The following LTB variants were observed in gnomAD, a reference collection of about 807,000 sequenced individuals.
LTB encodes the protein lymphotoxin-beta.
LTB carries 17 observed loss-of-function variants against 14.7 expected under a neutral mutation model. The ratio of observed to expected loss-of-function variants is 1.16; its 90% CI spans 0.79 to 1.73. The LOEUF is 1.73. Ranked by LOEUF, LTB falls within the 40% of genes most tolerant of loss-of-function variation. The pLI, the probability that LTB is intolerant of heterozygous loss-of-function variation, is 0.00. For missense variants in LTB, 288 were observed against 324.3 expected, an observed-to-expected ratio of 0.89 and a Z score of 0.86; for synonymous variants, 163 against 157.3, an observed-to-expected ratio of 1.04 and a Z score of -0.27.
chr6:31,582,164 G>T, intron 1 of LTB, 92 bp downstream of exon 1: 1 of 1,488,638 alleles, frequency 6.7e-7, no homozygotes, highest in Non-Finnish European at 9.3e-7. Context: ...AGCCAGCTGA[G>T]CCAGAGGGGG....
chr6:31,582,075 T>A, intron 1 of LTB, 181 bp downstream of exon 1: 2 of 814,468 alleles, frequency 2.5e-6, no homozygotes, highest in Non-Finnish European at 3.9e-6. Context: ...GGGGCTTATG[T>A]CGGGACACAA....
Position 31,581,802 on chromosome 6 carries a change from G to A in LTB, c.208+12C>T, listed in dbSNP as rs373114079. On this transcript the variant is annotated intron_variant, in intron 2 of 3. Transcript: ENST00000429299. ...GGTCTGAAGCGGGGAAGGAGAGACA[G>A]TCTGCTCTTACCCAGTCCTTGCTGG... The A allele has an allele frequency of 1.2e-6, 2 of 1,612,212 alleles. No homozygotes were observed. Among genetic ancestry groups the A allele is most frequent in the South Asian group, 1.1e-5 (1 of 90,972 alleles).
intron 2 of LTB, 68 bp from the exon 3 acceptor site, chr6:31,581,698 C>G (rs550114281): frequency 1.2e-4 from 192 of 1,596,508 alleles, no homozygotes; most frequent in Non-Finnish European, 1.5e-4. Context: ...CTTGAGAGAA[C>G]AGGGCGCAGG....
chr6:31,582,005 A>G (rs181913168), intron 1 of LTB, 146 bp from the exon 2 acceptor site: 2 of 874,592 alleles, frequency 2.3e-6, no homozygotes, highest in African/African-American at 1.7e-5. Flanking sequence ...GAGAACAAGC[A>G]AGGCATAGGT....
rs4647188 is a variant in LTB at position 31,581,508 on chromosome 6, C to A, written c.280+51G>T. 3.0e-5 allele frequency: 46 copies of A among 1,554,582 alleles called. No individual in the cohort carries two copies. The African/African-American group carries it at 6.1e-4, about 21-fold the overall frequency. ...GCCGAAGGACTCTGGGCGAGCAGAACTGGAACCTTCGGATTATTTACACTC... is the reference window on the plus strand; with the variant it reads ...GCCGAAGGACTCTGGGCGAGCAGAAATGGAACCTTCGGATTATTTACACTC... On this transcript the variant is annotated intron_variant, in intron 3 of 3. Transcript: ENST00000429299.
chr6:31,582,158 A>T (rs1771590488), intron 1 of LTB, 98 bp downstream of exon 1: 2 of 1,427,884 alleles, frequency 1.4e-6, no homozygotes, highest in East Asian at 2.3e-5. Context: ...CAGCCGAGCC[A>T]GCTGAGCCAG....
intron 2 of LTB, 50 bp downstream of exon 2, chr6:31,581,764 G>A (rs538180237): frequency 1.2e-6 from 2 of 1,608,290 alleles, no homozygotes; most frequent in Non-Finnish European, 1.7e-6. Context: ...GCAGGGAGCT[G>A]GGAGCCCCTG....
At chr6:31,582,074 G>C (rs2150395682) in intron 1 of LTB, 182 bp downstream of exon 1, 1 of 811,476 alleles carries the variant, frequency 1.2e-6, no homozygotes, top group Admixed American at 2.6e-5. Flanking sequence ...AGGGGCTTAT[G>C]TCGGGACACA....
rs1166592415 is a variant in LTB at position 31,581,065 on chromosome 6, G to C, written c.379C>G (p.Leu127Val). ...AGGTAATAGAGGCCGTCCTGCGGGA[G>C]CGCCAGCCCCTCGGCGTCCGAGAAC... ...TQFSDAEGLA[L>V]PQDGLYYLYC... The change falls in exon 4 of 4, where the codon CTC (leucine) becomes GTC (valine). Residue 127 changes from leucine to valine, a missense_variant. This residue lies in a region of LTB where 284 missense variants were observed against 299.2 expected (regional missense o/e 0.95). Transcript: ENST00000429299. The C allele has an allele frequency of 6.2e-7, 1 of 1,610,522 alleles. No homozygotes were observed. The highest frequency in any genetic ancestry group is 2.2e-5 in the East Asian group (1 of 44,816).
intron 1 of LTB, 36 bp downstream of exon 1, chr6:31,582,220 T>A (rs539650569): frequency 6.2e-7 from 1 of 1,609,484 alleles, no homozygotes; most frequent in Non-Finnish European, 8.5e-7. Flanking sequence ...ATCCGCAAGA[T>A]ACAACTCTCC....
intron 1 of LTB, 96 bp from the exon 2 acceptor site, chr6:31,581,955 T>C (rs541371875): frequency 1.6e-6 from 2 of 1,270,262 alleles, no homozygotes; most frequent in East Asian, 2.3e-5. Context: ...CTGGGGTTTC[T>C]CCTACCAGCA....
rs1472755322 is a variant in LTB, at chr6:31,582,085, A to G, written c.162+171T>C. ...CACAAGGGGCTTATGTCGGGACACA[A>G]GCACAACATCACAGGAACATGGAAA... On this transcript the variant is annotated intron_variant, in intron 1 of 3. Coordinates refer to ENST00000429299, the MANE Select transcript of LTB (RefSeq NM_002341.2). 8 of 854,012 alleles carry G rather than the reference A, an allele frequency of 9.4e-6. No individual in the cohort carries two copies. In the African/African-American group the frequency reaches 1.2e-4, roughly 13 times the overall value. The allele number at this position is 854,012 out of a possible 1,614,324, so 52.9% of individuals were successfully genotyped here. A position where few individuals can be genotyped will look rare whatever the true frequency, so the allele number is the denominator to read the frequency against.
At chr6:31,581,262 G>A in intron 3 of LTB, 99 bp from the exon 4 acceptor site, 1 of 1,153,768 alleles carries the variant, frequency 8.7e-7, no homozygotes, top group Non-Finnish European at 1.2e-6. Flanking sequence ...GAGCCGAGCC[G>A]GGCCGGGGGA....
intron 3 of LTB, 104 bp from the exon 4 acceptor site, chr6:31,581,267 G>A (rs1238379190): frequency 4.8e-6 from 5 of 1,051,746 alleles, no homozygotes; most frequent in Admixed American, 2.6e-5. Context: ...GAGCCGGGCC[G>A]GGGGAGGAGG....
In LTB at chr6:31,582,245, C is replaced by G. The variant is rs968524190; in HGVS notation, c.162+11G>C. 1 of 1,612,472 alleles carries G rather than the reference C, an allele frequency of 6.2e-7. No individual in the cohort carries two copies. The highest frequency in any genetic ancestry group is 2.2e-5 in the East Asian group (1 of 44,872). The stretch of plus-strand genomic sequence containing the variant: ...TACAACTCTCCACCAGGGCCTGTTG[C>G]AGCCACTCACCAGTCCTCCCTGATC... On this transcript the variant is annotated intron_variant, in intron 1 of 3. Coordinates refer to ENST00000429299, the MANE Select transcript of LTB (RefSeq NM_002341.2).
chr6:31,582,335 G>A lies in LTB; in HGVS notation c.83C>T (p.Ser28Phe). 1 of 1,613,004 alleles carries A rather than the reference G, an allele frequency of 6.2e-7. No individual in the cohort carries two copies. The highest frequency in any genetic ancestry group is 8.5e-7 in the Non-Finnish European group (1 of 1,179,972). Reference protein sequence around the residue: ...SLLLAVAGATSLVTLLLAVPI... With the variant: ...SLLLAVAGATFLVTLLLAVPI... ...CACCGCCAGCAACAAGGTCACCAGA[G>A]AAGTGGCTCCTGCCACAGCTAGCAG... Residue 28 changes from serine (S) to phenylalanine (F), a missense_variant, in exon 1 of 4, where the codon TCT becomes TTT. Ser to Phe is a radical substitution (Grantham distance 155). Transcript: ENST00000429299.
At position 31,581,543 on chromosome 6, in the gene LTB, T is replaced by C. The variant is rs1771509146; in HGVS notation, c.280+16A>G. 1.2e-6 allele frequency: 2 copies of C among 1,610,786 alleles called. No individual in the cohort carries two copies. Among genetic ancestry groups the C allele is most frequent in the Middle Eastern group, 1.7e-4 (1 of 6,052 alleles). ...CGGATTATTTACACTCTTATTCAGG[T>C]CTTGGAGGTCCTTACCTATGAGGTG... On this transcript the variant is annotated intron_variant, in intron 3 of 3. Coordinates refer to ENST00000429299, the MANE Select transcript of LTB (RefSeq NM_002341.2).
Position 31,581,126 on chromosome 6 carries a change from C to G in LTB, c.318G>C (p.Thr106=), listed in dbSNP as rs1429094591. The change falls in exon 4 of 4, where the codon ACG becomes ACC. Residue 106 remains threonine (T), a synonymous_variant. Coordinates refer to ENST00000429299, the MANE Select transcript of LTB (RefSeq NM_002341.2). ...TCGTCAGAAACGCCTGTTCCTTCGT[C>G]GTCTCCCAGCCTAGCCCCTGCCCCT... ...PLKGQGLGWE[T]TKEQAFLTSG... is the part of the protein sequence containing the mutation. 2.5e-6 allele frequency: 4 copies of G among 1,585,276 alleles called. No individual in the cohort carries two copies. The highest frequency in any genetic ancestry group is 3.4e-6 in the Non-Finnish European group (4 of 1,168,182).
rs1428392139 is a variant in LTB at position 31,580,872 on chromosome 6, G to A, written c.572C>T (p.Pro191Leu). Reference protein sequence around the residue: ...GAETVTPVLDPARRQGYGPLW... With the variant: ...GAETVTPVLDLARRQGYGPLW... ...AGGCCCGTACCCTTGTCTCCTGGCC[G>A]GGTCCAGCACTGGAGTCACCGTCTC... The change falls in exon 4 of 4, where the codon CCG becomes CTG. Residue 191 changes from proline to leucine, a missense_variant. Around this residue, in one of 2 missense-constraint regions of LTB, gnomAD observed 284 missense variants for 299.2 expected, o/e 0.95. Coordinates refer to ENST00000429299, the MANE Select transcript of LTB (RefSeq NM_002341.2). This position sits in a 1 kb window ranked among gnomAD's most constrained non-coding sequence, Gnocchi z 6.6. 2 of 1,607,240 alleles carry A rather than the reference G, an allele frequency of 1.2e-6. No homozygotes were observed. The highest frequency in any genetic ancestry group is 1.7e-6 in the Non-Finnish European group (2 of 1,177,522).
Sources: gnomAD v4.1 joint callset for allele counts on GRCh38, gnomAD v4.1.1 for gene constraint, gnomAD v4.1.1 regional missense constraint, Gnocchi (gnomAD v3.1) non-coding constraint, MANE v1.5 for transcripts, NCBI Gene and HGNC (gene_info 2026-07-23, HGNC 2026-07-21) for gene names.